The following ANKS1A variants were observed in gnomAD, a reference collection of about 807,000 sequenced individuals.
The protein encoded by ANKS1A is ankyrin repeat and SAM domain-containing protein 1A.
Under a neutral mutation model 120.3 loss-of-function variants are expected in ANKS1A, and 55 were observed. The ratio of observed to expected loss-of-function variants is 0.46; its 90% CI spans 0.37 to 0.57. The LOEUF is 0.57. ANKS1A is among the 20% of genes least tolerant of loss of function. ANKS1A has a pLI of 0.00. For synonymous variants in ANKS1A, 590 were observed against 604.7 expected (o/e 0.98, Z 0.36); for missense variants, 1,123 against 1,480.3 (o/e 0.76, Z 3.96).
chr6:35,062,588 G>GT (rs1776564529), intron 13 of ANKS1A, among the ~76,000 whole-genome samples: 1 of 152,174 alleles, frequency 6.6e-6, no homozygotes, highest in African/African-American at 2.4e-5. Flanking sequence ...TCTGAGGAGC[G>GT]TCTGGAAACT....
At chr6:35,021,996 A>C (rs1453626608) in intron 11 of ANKS1A, among the ~76,000 whole-genome samples, 1 of 151,774 alleles carries the variant, frequency 6.6e-6, no homozygotes, top group Non-Finnish European at 1.5e-5. Flanking sequence ...AAAAAAAAAA[A>C]AAACAAAACA....
At chr6:35,001,003 C>G (rs1290625776) in intron 10 of ANKS1A, among the ~76,000 whole-genome samples, 1 of 152,110 alleles carries the variant, frequency 6.6e-6, no homozygotes, top group African/African-American at 2.4e-5. Context: ...CCAACCTGCT[C>G]TTTAACAAAA....
intron 1 of ANKS1A, among the ~76,000 whole-genome samples, chr6:34,895,455 G>A (rs1767022728): frequency 6.6e-6 from 1 of 152,178 alleles, no homozygotes; most frequent in South Asian, 2.1e-4. Context: ...GAACCTTGGA[G>A]ATTATAATGG....
rs1768230654 is a variant in ANKS1A at position 34,917,637 on chromosome 6, C to T, written c.197+28038C>T. 2.0e-5 allele frequency among the ~76,000 whole-genome samples: 3 copies of T among 152,302 alleles called. No homozygotes were observed. The South Asian group carries it at 6.2e-4, about 32-fold the overall frequency. The stretch of plus-strand genomic sequence containing the variant: ...TTGAATAGAGGTTCTTTGCTTCCTT[C>T]CAGCTGGGTGGACAGGAAAGACATC... On this transcript the variant is annotated intron_variant, in intron 1 of 23. Coordinates refer to ENST00000360359, the MANE Select transcript of ANKS1A (RefSeq NM_015245.3).
chr6:34,997,214 T>TC (rs55841235), intron 10 of ANKS1A, among the ~76,000 whole-genome samples: 2 of 150,920 alleles, frequency 1.3e-5, no homozygotes, highest in Non-Finnish European at 3.0e-5. Context: ...TTTTTTTTTT[T>TC]GAGACAGAGT....
At chr6:35,077,906 C>T (rs1291744705) in intron 13 of ANKS1A, among the ~76,000 whole-genome samples, 1 of 152,226 alleles carries the variant, frequency 6.6e-6, no homozygotes, top group African/African-American at 2.4e-5. Flanking sequence ...GCACCAGCCT[C>T]CGCCCCCACA....
At chr6:34,941,599 T>C (rs906706738) in intron 1 of ANKS1A, among the ~76,000 whole-genome samples, 2 of 152,196 alleles carry the variant, frequency 1.3e-5, no homozygotes, top group Non-Finnish European at 2.9e-5. Context: ...TAATTGAGTT[T>C]TTATAATGAA....
At chr6:34,918,231 T>C (rs190259650) in intron 1 of ANKS1A, among the ~76,000 whole-genome samples, 3 of 152,332 alleles carry the variant, frequency 2.0e-5, no homozygotes, top group Admixed American at 1.3e-4. Flanking sequence ...GTAGGTGTGA[T>C]GTGGGAGAAG....
intron 11 of ANKS1A, among the ~76,000 whole-genome samples, chr6:35,051,953 T>G (rs953453029): frequency 6.6e-6 from 1 of 152,208 alleles, no homozygotes; most frequent in African/African-American, 2.4e-5. Context: ...AGGTGCTTTA[T>G]GTACATGATA....
Position 34,932,554 on chromosome 6 carries a change from T to C in ANKS1A, c.198-34685T>C, listed in dbSNP as rs146148807. Among the ~76,000 whole-genome samples the C allele has an allele frequency of 2.3e-4, 35 of 152,270 alleles. No individual in the cohort carries two copies. In the East Asian group the frequency reaches 6.4e-3, roughly 28 times the overall value. On this transcript the variant is annotated intron_variant, in intron 1 of 23. Coordinates refer to ENST00000360359, the MANE Select transcript of ANKS1A (RefSeq NM_015245.3). Reference sequence around the variant, plus strand: ...CGTGCATCACCACACCTGGCTAATTTTTGTATTTTTAGCAGAGATGAGGTT... The same window carrying C: ...CGTGCATCACCACACCTGGCTAATTCTTGTATTTTTAGCAGAGATGAGGTT...
At chr6:35,067,447 A>T (rs1485484542) in intron 13 of ANKS1A, among the ~76,000 whole-genome samples, 1 of 152,162 alleles carries the variant, frequency 6.6e-6, no homozygotes, top group East Asian at 1.9e-4. Context: ...GGACTGCATA[A>T]ACCACCTGTA....
At chr6:35,072,125 C>G (rs1439408297) in intron 13 of ANKS1A, among the ~76,000 whole-genome samples, 1 of 152,238 alleles carries the variant, frequency 6.6e-6, no homozygotes, top group Non-Finnish European at 1.5e-5. Flanking sequence ...GGATATTTTC[C>G]TTCTAAAATC....
At chr6:35,066,512 G>A (rs1162313439) in intron 13 of ANKS1A, among the ~76,000 whole-genome samples, 1 of 152,094 alleles carries the variant, frequency 6.6e-6, no homozygotes, top group Non-Finnish European at 1.5e-5. Flanking sequence ...TGCCCACAGA[G>A]AGAATGGGGG....
In ANKS1A at chr6:35,086,878, G is replaced by T; in HGVS notation, c.3304-74G>T. On this transcript the variant is annotated intron_variant, in intron 22 of 23. Coordinates refer to ENST00000360359, the MANE Select transcript of ANKS1A (RefSeq NM_015245.3). This position sits in a 1 kb window ranked among gnomAD's most constrained non-coding sequence, Gnocchi z 5.1. ...CACAGGGGCCACAGCCTGGCCTGGG[G>T]GTGGGAGGGGCCTGCTGCCTCCAGC... 1.4e-6 allele frequency: 2 copies of T among 1,432,408 alleles called. No individual in the cohort carries two copies. The highest frequency in any genetic ancestry group is 2.3e-5 in the South Asian group (2 of 87,416). The allele number at this position is 1,432,408 out of a possible 1,614,324, so 88.7% of individuals were successfully genotyped here.
intron 1 of ANKS1A, among the ~76,000 whole-genome samples, chr6:34,964,156 A>G (rs1402237406): frequency 6.6e-6 from 1 of 152,160 alleles, no homozygotes; most frequent in African/African-American, 2.4e-5. Context: ...TAAACCTAAT[A>G]TCTACATGCT....
chr6:35,062,193 C>G (rs965118409), intron 13 of ANKS1A, among the ~76,000 whole-genome samples: 3 of 152,206 alleles, frequency 2.0e-5, no homozygotes, highest in Non-Finnish European at 4.4e-5. Context: ...GCCTGCAGCT[C>G]AGTCCTTCCA....
At chr6:34,955,209 T>C (rs915578874) in intron 1 of ANKS1A, among the ~76,000 whole-genome samples, 4 of 151,954 alleles carry the variant, frequency 2.6e-5, no homozygotes, top group Non-Finnish European at 5.9e-5. Context: ...TGATCTTGGC[T>C]CACTGTGACC....
At chr6:34,893,125 C>T (rs1581654104) in intron 1 of ANKS1A, among the ~76,000 whole-genome samples, 1 of 152,148 alleles carries the variant, frequency 6.6e-6, no homozygotes, top group East Asian at 1.9e-4. Context: ...ATTTCTGCAT[C>T]TGTAAAATGG....
At chr6:35,088,168 C>T (rs183366692) in intron 23 of ANKS1A, among the ~76,000 whole-genome samples, 49 of 152,308 alleles carry the variant, frequency 3.2e-4, no homozygotes, top group South Asian at 8.3e-4. Flanking sequence ...CTGACTCCTC[C>T]GAAAGGAGAG....
Sources: gnomAD v4.1 joint callset for allele counts (sites outside exome capture counted in the v4.1 genomes callset) on GRCh38, gnomAD v4.1.1 for gene constraint, Gnocchi (gnomAD v3.1) non-coding constraint, MANE v1.5 for transcripts, NCBI Gene and HGNC (gene_info 2026-07-23, HGNC 2026-07-21) for gene names.